Variants in AGGF1 observed in about 807,000 individuals in gnomAD.
The protein encoded by AGGF1 is angiogenic factor with G-patch and FHA domains 1.
Under a neutral mutation model 86.5 loss-of-function variants are expected in AGGF1, and 56 were observed. The ratio of observed to expected loss-of-function variants is 0.65; its 90% CI spans 0.52 to 0.81. The LOEUF (loss-of-function observed/expected upper bound fraction) is 0.81, where lower values mean the gene tolerates loss of function less well. Among genes scored for constraint, AGGF1 ranks in the 30% least tolerant of loss-of-function variants. The pLI is 0.00. For synonymous variants in AGGF1, 313 were observed against 297.1 expected (o/e 1.05, Z -0.55); for missense variants, 816 against 850.9 (o/e 0.96, Z 0.51).
intron 5 of AGGF1, among the ~76,000 whole-genome samples, chr5:77,042,327 A>G (rs1747108632): frequency 1.4e-5 from 2 of 144,666 alleles, no homozygotes; most frequent in Non-Finnish European, 3.1e-5. Context: ...GCTGTTGGGC[A>G]CACCTCCCAG....
chr5:77,049,177 A>C (rs769911440), intron 8 of AGGF1, among the ~76,000 whole-genome samples, 190 bp downstream of exon 8: 2 of 152,218 alleles, frequency 1.3e-5, no homozygotes, highest in Non-Finnish European at 2.9e-5. Flanking sequence ...AATTTGAATA[A>C]ATAAAATTAT....
chr5:77,049,787 A>G (rs1747336428), intron 8 of AGGF1, among the ~76,000 whole-genome samples: 1 of 152,074 alleles, frequency 6.6e-6, no homozygotes, highest in South Asian at 2.1e-4. Flanking sequence ...TCCTGGGCTC[A>G]AGTGATCTTG....
intron 5 of AGGF1, 62 bp downstream of exon 5, chr5:77,039,781 T>C: frequency 1.4e-6 from 2 of 1,436,268 alleles, no homozygotes; most frequent in Non-Finnish European, 9.6e-7. Flanking sequence ...TAAGACAAAA[T>C]TTTTTATGAA....
rs1234136381 is a variant in AGGF1 at position 77,036,592 on chromosome 5, T to C, written c.553T>C (p.Leu185=). Residue 185 remains leucine (L), a synonymous_variant, in exon 4 of 14, where the codon TTA becomes CTA. Transcript: ENST00000312916. ...ASALATEDTS[L]EGSSLAESLR... is the part of the protein sequence containing the mutation. ...TGCATTAGCAACAGAAGATACCTCC[T>C]TAGAAGGCTCATCATTAGCTGAAAG... 1 of 1,614,028 alleles carries C rather than the reference T, an allele frequency of 6.2e-7. No homozygotes were observed. Among genetic ancestry groups the C allele is most frequent in the African/African-American group, 1.3e-5 (1 of 74,936 alleles).
intron 5 of AGGF1, among the ~76,000 whole-genome samples, chr5:77,041,460 G>C (rs1361584022): frequency 4.0e-5 from 6 of 151,868 alleles, no homozygotes; most frequent in Non-Finnish European, 7.4e-5. Context: ...CCAGCTGCTT[G>C]GGAGGCTGAG....
At chr5:77,047,510 G>A (rs1399353670) in intron 6 of AGGF1, among the ~76,000 whole-genome samples, 1 of 152,038 alleles carries the variant, frequency 6.6e-6, no homozygotes, top group Non-Finnish European at 1.5e-5. Flanking sequence ...GTTCTCAATG[G>A]CATTTCTCTT....
At chr5:77,044,202 T>G (rs1402486755) in intron 5 of AGGF1, among the ~76,000 whole-genome samples, 2 of 149,930 alleles carry the variant, frequency 1.3e-5, no homozygotes, top group African/African-American at 4.9e-5. Context: ...GGCTGCAATC[T>G]CGGCACTTTG....
chr5:77,037,886 T>C (rs1746993459), intron 4 of AGGF1, among the ~76,000 whole-genome samples: 1 of 152,238 alleles, frequency 6.6e-6, no homozygotes, highest in African/African-American at 2.4e-5. Flanking sequence ...AATAAAGTTC[T>C]TGATTTATAA....
At position 77,032,542 on chromosome 5, in the gene AGGF1, C is replaced by A. The variant is rs1266596892; in HGVS notation, c.210+1566C>A. On this transcript the variant is annotated intron_variant, in intron 1 of 13. Transcript: ENST00000312916. ...TTGCGCCACTGCACTCCAGCCTGGG[C>A]GACAAAGCAAGACTCCGTCTCAAAA... 6.6e-5 allele frequency among the ~76,000 whole-genome samples: 8 copies of A among 121,238 alleles called. No homozygotes were observed. The Admixed American group carries it at 7.3e-4, about 11-fold the overall frequency. 79.5% of individuals were successfully genotyped at this position (121,238 alleles called of 152,430 possible).
intron 5 of AGGF1, among the ~76,000 whole-genome samples, chr5:77,043,615 G>T (rs1271774871): frequency 1.4e-5 from 2 of 139,780 alleles, no homozygotes; most frequent in Admixed American, 7.0e-5. Context: ...GGCACGGCTG[G>T]CCGGGCGGGG....
chr5:77,051,198 C>T (rs1389640745), intron 8 of AGGF1, among the ~76,000 whole-genome samples: 1 of 152,082 alleles, frequency 6.6e-6, no homozygotes, highest in African/African-American at 2.4e-5. Flanking sequence ...CTTTGGGAGG[C>T]TAAGGTAGGC....
At chr5:77,032,251 G>GGAAAA (rs777510199) in intron 1 of AGGF1, among the ~76,000 whole-genome samples, 3 of 25,044 alleles carry the variant, frequency 1.2e-4, no homozygotes, top group Admixed American at 5.7e-4. Flanking sequence ...TACAAATATG[G>GGAAAA]TAAAAAAAAA....
intron 12 of AGGF1, among the ~76,000 whole-genome samples, chr5:77,060,958 A>G (rs779055771): frequency 7.2e-5 from 11 of 152,228 alleles, no homozygotes; most frequent in Non-Finnish European, 1.5e-4. Flanking sequence ...GGCTAACAGC[A>G]TATTTTGTGG....
At chr5:77,061,891 A>G in intron 13 of AGGF1, 89 bp downstream of exon 13, 1 of 1,216,640 alleles carries the variant, frequency 8.2e-7, no homozygotes. Context: ...TTAAGTGCTA[A>G]GAATATAGTA....
At chr5:77,041,451 C>T (rs1404463851) in intron 5 of AGGF1, among the ~76,000 whole-genome samples, 2 of 151,678 alleles carry the variant, frequency 1.3e-5, no homozygotes, top group African/African-American at 2.4e-5. Flanking sequence ...CCTGTAATCC[C>T]AGCTGCTTGG....
Position 77,035,748 on chromosome 5 carries a change from T to C in AGGF1, c.516+5T>C, listed in dbSNP as rs1256896525. The C allele has an allele frequency of 6.2e-6, 10 of 1,610,052 alleles. No homozygotes were observed. The highest frequency in any genetic ancestry group is 7.6e-6 in the Non-Finnish European group (9 of 1,176,504). On this transcript the variant is annotated splice_donor_5th_base_variant and intron_variant, in intron 3 of 13. Coordinates refer to ENST00000312916, the MANE Select transcript of AGGF1 (RefSeq NM_018046.5). ...CATTTTGCCTCAAATTCACAGGTAA[T>C]AAAATGCTAAACATGAAACTGTTGA...
chr5:77,043,609 C>CGGCTGGCCGGGCGGGGG (rs1747182454), intron 5 of AGGF1, among the ~76,000 whole-genome samples: 1 of 130,106 alleles, frequency 7.7e-6, no homozygotes, highest in African/African-American at 2.9e-5. Context: ...CCGGATGGCA[C>CGGCTGGCCGGGCGGGGG]GGCTGGCCGG....
intron 12 of AGGF1, among the ~76,000 whole-genome samples, chr5:77,060,820 C>T (rs984495038): frequency 7.9e-5 from 12 of 152,090 alleles, no homozygotes; most frequent in African/African-American, 2.7e-4. Flanking sequence ...CACTAAGCAA[C>T]ATGACACTTT....
chr5:77,045,784 GCCAGCAGCT>G (rs1279071289), intron 5 of AGGF1, among the ~76,000 whole-genome samples: 1 of 152,222 alleles, frequency 6.6e-6, no homozygotes, highest in Non-Finnish European at 1.5e-5. Flanking sequence ...CAGTAAGGTA[GCCAGCAGCT>G]CCATGTGGCT....
Sources: gnomAD v4.1 joint callset for allele counts (sites outside exome capture counted in the v4.1 genomes callset) on GRCh38, gnomAD v4.1.1 for gene constraint, MANE v1.5 for transcripts, NCBI Gene and HGNC (gene_info 2026-07-23, HGNC 2026-07-21) for gene names.